Variants in MYOM2 observed in about 807,000 individuals in gnomAD.
MYOM2 encodes myomesin 2.
In MYOM2, 254 loss-of-function variants were observed where a neutral mutation model predicts 187.6. That is an observed-to-expected ratio of 1.35 (90% CI 1.22 to 1.50). The LOEUF is 1.50. Ranked by LOEUF, MYOM2 falls within the 40% of genes most tolerant of loss-of-function variation. The pLI is 0.00. For synonymous variants in MYOM2, 981 were observed against 753.8 expected (o/e 1.30, Z -4.94); for missense variants, 2,796 against 1,924.0 (o/e 1.45, Z -8.48).
chr8:2,124,149 G>T, intron 30 of MYOM2, 30 bp from the exon 31 acceptor site: 1 of 1,602,044 alleles, frequency 6.2e-7, no homozygotes, highest in Non-Finnish European at 8.5e-7. Context: ...GTTACATGTC[G>T]TAATGGTGCG....
chr8:2,144,589 G>T (rs1360215215), intron 36 of MYOM2, 75 bp from the exon 37 acceptor site: 30 of 1,441,012 alleles, frequency 2.1e-5, no homozygotes, highest in Non-Finnish European at 2.8e-5. Context: ...GTGACCTGGA[G>T]CCCACCGTCC....
intron 8 of MYOM2, among the ~76,000 whole-genome samples, chr8:2,070,143 A>G (rs1446507249): frequency 6.6e-6 from 1 of 152,194 alleles, no homozygotes; most frequent in African/African-American, 2.4e-5. Flanking sequence ...CCATGAGGGC[A>G]TCTGGAGGAC....
intron 6 of MYOM2, among the ~76,000 whole-genome samples, chr8:2,060,988 C>T (rs987300142): frequency 6.6e-6 from 1 of 152,090 alleles, no homozygotes; most frequent in Non-Finnish European, 1.5e-5. Context: ...CCGGCCGAGC[C>T]TCCCCAGCAG....
intron 28 of MYOM2, among the ~76,000 whole-genome samples, chr8:2,121,299 T>C (rs1046760188): frequency 6.6e-6 from 1 of 152,100 alleles, no homozygotes; most frequent in Non-Finnish European, 1.5e-5. Context: ...TTGTTGGTAT[T>C]GTTGTTCTGA....
At chr8:2,047,453 G>A (rs1337978228) in intron 1 of MYOM2, among the ~76,000 whole-genome samples, 1 of 152,100 alleles carries the variant, frequency 6.6e-6, no homozygotes, top group Non-Finnish European at 1.5e-5. Context: ...GGAGTTGAGG[G>A]CACATTGGCA....
Position 2,102,657 on chromosome 8 carries a change from T to C in MYOM2, c.2620-10T>C, listed in dbSNP as rs766433823. ...CTCCACACATCTGGTGTTTCCTCTG[T>C]TGTTTCAAGGTCTCTGACCTGCAGC... On this transcript the variant is annotated splice_polypyrimidine_tract_variant and intron_variant, in intron 20 of 36. Coordinates refer to ENST00000262113, the MANE Select transcript of MYOM2 (RefSeq NM_003970.4). 3 of 1,590,876 alleles carry C rather than the reference T, an allele frequency of 1.9e-6. No homozygotes were observed. In the South Asian group the frequency reaches 3.3e-5, roughly 18 times the overall value.
At chr8:2,089,398 T>G (rs372054330) in intron 14 of MYOM2, among the ~76,000 whole-genome samples, 1 of 152,228 alleles carries the variant, frequency 6.6e-6, no homozygotes, top group East Asian at 1.9e-4. Flanking sequence ...CTCCATAGAT[T>G]TTAATGCTCT....
At chr8:2,079,485 G>C in intron 12 of MYOM2, 75 bp from the exon 13 acceptor site, 1 of 1,420,022 alleles carries the variant, frequency 7.0e-7, no homozygotes, top group East Asian at 2.3e-5. Context: ...TGCAGAGCTG[G>C]CACAGAATGA....
chr8:2,064,579 C>G (rs181724251), intron 6 of MYOM2, among the ~76,000 whole-genome samples: 87 of 152,344 alleles, frequency 5.7e-4, no homozygotes, highest in African/African-American at 1.9e-3. Flanking sequence ...CTTCTTCCCC[C>G]AGTGGCTCCT....
At chr8:2,083,443 T>C (rs571340726) in intron 13 of MYOM2, among the ~76,000 whole-genome samples, 3,625 of 152,202 alleles carry the variant, frequency 0.024, 146 homozygotes, top group African/African-American at 0.084. Flanking sequence ...CATGTGTGCT[T>C]AGCGGCATCT....
chr8:2,118,082 G>A (rs896039149), intron 28 of MYOM2, 130 bp downstream of exon 28: 8 of 707,434 alleles, frequency 1.1e-5, no homozygotes, highest in East Asian at 8.1e-5. Flanking sequence ...GTGTAGCTGC[G>A]GATGGGCGGA....
chr8:2,125,604 CTTTTTTTT>C (rs35137852), intron 31 of MYOM2, among the ~76,000 whole-genome samples: 9 of 89,304 alleles, frequency 1.0e-4, no homozygotes, highest in East Asian at 7.7e-4. Context: ...ATTATTTTTC[CTTTTTTTT>C]TTTTTTTTTT....
chr8:2,132,503 C>A (rs1797910425), intron 32 of MYOM2, among the ~76,000 whole-genome samples: 1 of 152,152 alleles, frequency 6.6e-6, no homozygotes, highest in Non-Finnish European at 1.5e-5. Context: ...CTAGACATGG[C>A]TAGATCTCAA....
intron 8 of MYOM2, among the ~76,000 whole-genome samples, 160 bp downstream of exon 8, chr8:2,069,657 C>G (rs947918793): frequency 4.6e-5 from 7 of 151,976 alleles, no homozygotes; most frequent in Non-Finnish European, 8.8e-5. Flanking sequence ...TCTCGGCTCA[C>G]CATAAGCTCC....
At chr8:2,049,629 A>C (rs1818419429) in intron 1 of MYOM2, among the ~76,000 whole-genome samples, 1 of 152,180 alleles carries the variant, frequency 6.6e-6, no homozygotes, top group South Asian at 2.1e-4. Context: ...TTCTGTCTTT[A>C]AATAAGGACA....
intron 31 of MYOM2, 89 bp downstream of exon 31, chr8:2,124,306 AC>A: frequency 7.5e-7 from 1 of 1,327,322 alleles, no homozygotes. Flanking sequence ...AAAAGAGGGC[AC>A]CATGGAGCTG....
chr8:2,100,776 G>C, intron 19 of MYOM2, 100 bp from the exon 20 acceptor site: 1 of 1,149,846 alleles, frequency 8.7e-7, no homozygotes, highest in Non-Finnish European at 1.3e-6. Context: ...TCCTGGTGGG[G>C]GGCTTCCCAG....
chr8:2,046,738 CTCTT>C (rs1027677811), intron 1 of MYOM2, among the ~76,000 whole-genome samples: 5 of 135,900 alleles, frequency 3.7e-5, no homozygotes, highest in East Asian at 2.3e-4. Context: ...CTTTCTCTCT[CTCTT>C]TCTTTTTTCT....
At chr8:2,143,960 T>G (rs936250315) in intron 36 of MYOM2, among the ~76,000 whole-genome samples, 5 of 152,246 alleles carry the variant, frequency 3.3e-5, no homozygotes. Flanking sequence ...GAGTTTAATT[T>G]GTTGCCTGTC....
Sources: allele counts gnomAD v4.1 joint callset (sites outside exome capture counted in the v4.1 genomes callset), GRCh38; gene constraint gnomAD v4.1.1; transcripts MANE v1.5; gene names NCBI Gene and HGNC (gene_info 2026-07-23, HGNC 2026-07-21).